NRG1: variants seen among roughly 807,000 people sequenced by gnomAD.
NRG1 encodes neuregulin 1.
A neutral mutation model predicts 63.8 loss-of-function variants in NRG1; 18 were observed. The observed-to-expected ratio is 0.28, with a 90% CI of 0.19 to 0.42. NRG1 has a LOEUF of 0.42. NRG1 is among the 10% of genes least tolerant of loss of function. The pLI is 1.00. For missense variants in NRG1, 762 were observed against 814.7 expected (o/e 0.94, Z 0.79); for synonymous variants, 302 against 301.3 (o/e 1.00, Z -0.02).
intron 5 of NRG1, among the ~76,000 whole-genome samples, chr8:32,648,647 T>C (rs759368943): frequency 2.3e-4 from 35 of 152,232 alleles, no homozygotes; most frequent in Middle Eastern, 3.2e-3. Flanking sequence ...CTTCAGCATC[T>C]GCAAGTCATG....
At chr8:32,037,649 C>T (rs1819285480) in intron 1 of NRG1, among the ~76,000 whole-genome samples, 1 of 152,160 alleles carries the variant, frequency 6.6e-6, no homozygotes, top group African/African-American at 2.4e-5. Flanking sequence ...ACAGGGAGGC[C>T]CCACGCAGGT....
chr8:31,884,560 G>A (rs1449231227), intron 1 of NRG1, among the ~76,000 whole-genome samples: 1 of 151,868 alleles, frequency 6.6e-6, no homozygotes, highest in Non-Finnish European at 1.5e-5. Context: ...CTCCCTTTTT[G>A]CCTTCACTTT....
intron 1 of NRG1, among the ~76,000 whole-genome samples, chr8:32,134,647 G>C (rs181811628): frequency 6.6e-6 from 1 of 152,178 alleles, no homozygotes; most frequent in Non-Finnish European, 1.5e-5. Flanking sequence ...AGTTCTCAAG[G>C]AGCTCACATT....
chr8:31,958,274 A>T (rs536405219), intron 1 of NRG1, among the ~76,000 whole-genome samples: 1 of 152,216 alleles, frequency 6.6e-6, no homozygotes, highest in South Asian at 2.1e-4. Context: ...AAATTAAAAG[A>T]CTAAAATAAG....
intron 1 of NRG1, among the ~76,000 whole-genome samples, chr8:32,071,420 T>C (rs1825741577): frequency 6.6e-6 from 1 of 152,186 alleles, no homozygotes; most frequent in South Asian, 2.1e-4. Flanking sequence ...TTCTCAGTTT[T>C]CTTGTCAAAG....
Position 31,640,753 on chromosome 8 carries a change from G to A in NRG1, c.37+1322G>A. On this transcript the variant is annotated intron_variant, in intron 1 of 10. Coordinates refer to the NRG1 transcript ENST00000519301. The surrounding 1 kb of genome is among the most constrained non-coding windows in gnomAD (Gnocchi z 6.3). ...CGGTAAGTTCCTCGCCCTTGGGGGCGCGAACCCGCGGCGAGGAGGGCGCAT... is the reference window on the plus strand; with the variant it reads ...CGGTAAGTTCCTCGCCCTTGGGGGCACGAACCCGCGGCGAGGAGGGCGCAT... 2.7e-6 allele frequency: 4 copies of A among 1,488,942 alleles called. No individual in the cohort carries two copies. Among genetic ancestry groups the A allele is most frequent in the Non-Finnish European group, 3.6e-6 (4 of 1,117,490 alleles). The allele number at this position is 1,488,942 out of a possible 1,614,324, so 92.2% of individuals were successfully genotyped here.
At chr8:32,015,712 C>A (rs1221732050) in intron 1 of NRG1, among the ~76,000 whole-genome samples, 2 of 152,118 alleles carry the variant, frequency 1.3e-5, no homozygotes, top group Non-Finnish European at 2.9e-5. Flanking sequence ...AGCTATGCCT[C>A]ATTTTCATAA....
intron 1 of NRG1, among the ~76,000 whole-genome samples, chr8:32,337,160 A>C (rs184363646): frequency 1.1e-4 from 17 of 152,130 alleles, no homozygotes; most frequent in East Asian, 9.7e-4. Flanking sequence ...ACAGGAGTAC[A>C]CACCATGCCC....
chr8:32,423,451 C>A (rs1816942850), intron 1 of NRG1, among the ~76,000 whole-genome samples: 2 of 152,120 alleles, frequency 1.3e-5, no homozygotes, highest in Non-Finnish European at 2.9e-5. Flanking sequence ...GACTTCCAGC[C>A]TGGGCAACAA....
intron 1 of NRG1, among the ~76,000 whole-genome samples, chr8:32,240,295 G>C (rs1361347412): frequency 6.6e-6 from 1 of 152,082 alleles, no homozygotes; most frequent in Non-Finnish European, 1.5e-5. Context: ...CTAAAAATAA[G>C]CCAATCACAA....
chr8:32,506,153 G>C (rs1211051320), intron 1 of NRG1, among the ~76,000 whole-genome samples: 2 of 152,156 alleles, frequency 1.3e-5, no homozygotes, highest in Non-Finnish European at 2.9e-5. Context: ...GAAGGCTGAG[G>C]CAGGATGATT....
intron 1 of NRG1, among the ~76,000 whole-genome samples, chr8:32,299,181 G>A (rs981578544): frequency 2.0e-5 from 3 of 152,034 alleles, no homozygotes; most frequent in African/African-American, 7.2e-5. Context: ...AGTCTTCCAT[G>A]GTAATAGATT....
At chr8:31,753,209 A>G (rs1257322350) in intron 1 of NRG1, among the ~76,000 whole-genome samples, 1 of 152,050 alleles carries the variant, frequency 6.6e-6, no homozygotes, top group Non-Finnish European at 1.5e-5. Flanking sequence ...CACCTTCCAA[A>G]GTAGATTTAT....
At chr8:32,739,445 G>A (rs1825846233) in intron 6 of NRG1, among the ~76,000 whole-genome samples, 3 of 152,174 alleles carry the variant, frequency 2.0e-5, no homozygotes, top group East Asian at 1.9e-4. Context: ...GATAGTTCTG[G>A]TTGAGAGGTA....
At chr8:32,573,924 T>C (rs1031557206) in intron 1 of NRG1, among the ~76,000 whole-genome samples, 2 of 152,170 alleles carry the variant, frequency 1.3e-5, no homozygotes, top group Non-Finnish European at 1.5e-5. Flanking sequence ...GTCCTTGCGA[T>C]AGTTTGCTGA....
chr8:32,488,611 A>C (rs1826176765), intron 1 of NRG1, among the ~76,000 whole-genome samples: 1 of 137,880 alleles, frequency 7.3e-6, no homozygotes, highest in African/African-American at 2.7e-5. Context: ...CCCCATCTCT[A>C]CCCAAACAAA....
At chr8:31,865,572 TAGTG>T (rs1563501880) in intron 1 of NRG1, among the ~76,000 whole-genome samples, 1 of 152,098 alleles carries the variant, frequency 6.6e-6, no homozygotes, top group African/African-American at 2.4e-5. Context: ...GTTCTTGTGA[TAGTG>T]AGTGAGTTAT....
chr8:32,475,336 A>C (rs1824379777), intron 1 of NRG1, among the ~76,000 whole-genome samples: 1 of 151,688 alleles, frequency 6.6e-6, no homozygotes, highest in African/African-American at 2.4e-5. Flanking sequence ...GTGGTGGGGC[A>C]TGCCTGTAGT....
At chr8:31,866,296 A>G (rs564208755) in intron 1 of NRG1, among the ~76,000 whole-genome samples, 2 of 152,176 alleles carry the variant, frequency 1.3e-5, no homozygotes, top group Admixed American at 6.6e-5. Flanking sequence ...TTGCCCATAC[A>G]TGGAATTTGT....
Sources: gnomAD v4.1 joint callset for allele counts (sites outside exome capture counted in the v4.1 genomes callset) on GRCh38, gnomAD v4.1.1 for gene constraint, Gnocchi (gnomAD v3.1) non-coding constraint, MANE v1.5 for transcripts, NCBI Gene and HGNC (gene_info 2026-07-23, HGNC 2026-07-21) for gene names.